PCDHGA2: variants seen among roughly 807,000 people sequenced by gnomAD.
PCDHGA2 encodes protocadherin gamma-A2.
Under a neutral mutation model 59.2 loss-of-function variants are expected in PCDHGA2, and 40 were observed. That is an observed-to-expected ratio of 0.68 (90% confidence interval 0.52 to 0.88). The LOEUF is 0.88. Among genes scored for constraint, PCDHGA2 ranks in the 40% least tolerant of loss-of-function variants. The pLI is 0.00. For missense variants in PCDHGA2, 1,226 were observed against 1,204.0 expected (o/e 1.02, Z -0.27); for synonymous variants, 560 against 526.0 (o/e 1.06, Z -0.89).
chr5:141,357,542 G>A lies in PCDHGA2; in HGVS notation c.2424+16147G>A, dbSNP rs149810895. ...CCCAGCTATGCAGACACGCTCATCA[G>A]CCGGGAGAGTTGTGAGAAAAGCGAG... On this transcript the variant is annotated intron_variant, in intron 1 of 3. Transcript: ENST00000394576. The A allele has an allele frequency of 2.3e-4, 375 of 1,614,210 alleles. No individual in the cohort carries two copies. In the East Asian group the frequency reaches 8.3e-3, roughly 36 times the overall value.
At chr5:141,380,092 G>A (rs1776209529) in intron 1 of PCDHGA2, among the ~76,000 whole-genome samples, 1 of 151,708 alleles carries the variant, frequency 6.6e-6, no homozygotes, top group African/African-American at 2.4e-5. Context: ...TAGAGATGGG[G>A]TTTTACCATG....
rs2099748032 is a variant in PCDHGA2 at position 141,493,397 on chromosome 5, G to A, written c.2425-1410G>A. ...TTAAAAGCTTGAGGACAGGAGAGGG[G>A]AGTTGCCTCTGCTGGGATTTTGCTT... On this transcript the variant is annotated intron_variant, in intron 1 of 3. Coordinates refer to ENST00000394576, the MANE Select transcript of PCDHGA2 (RefSeq NM_018915.4). This position sits in a 1 kb window ranked among gnomAD's most constrained non-coding sequence, Gnocchi z 4.3. Among the ~76,000 whole-genome samples the A allele has an allele frequency of 6.6e-6, 1 of 152,176 alleles. No individual in the cohort carries two copies. Among genetic ancestry groups the A allele is most frequent in the Non-Finnish European group, 1.5e-5 (1 of 68,040 alleles).
At chr5:141,410,807 T>C in intron 1 of PCDHGA2, 1 of 647,592 alleles carries the variant, frequency 1.5e-6, no homozygotes, top group Non-Finnish European at 2.4e-6. Flanking sequence ...CTCTATCTTT[T>C]TGTAAAATAA....
At chr5:141,359,720 C>T (rs1240719607) in intron 1 of PCDHGA2, among the ~76,000 whole-genome samples, 1 of 152,140 alleles carries the variant, frequency 6.6e-6, no homozygotes, top group Non-Finnish European at 1.5e-5. Context: ...AACTTTAACA[C>T]TCATTTCCCC....
intron 1 of PCDHGA2, chr5:141,405,445 A>G: frequency 7.3e-7 from 1 of 1,360,898 alleles, no homozygotes; most frequent in Non-Finnish European, 1.0e-6. Context: ...TTTGAGACAG[A>G]GTCTTACTCT....
At chr5:141,349,080 A>G (rs1241384360) in intron 1 of PCDHGA2, among the ~76,000 whole-genome samples, 1 of 151,912 alleles carries the variant, frequency 6.6e-6, no homozygotes, top group South Asian at 2.1e-4. Context: ...CATTATAGAG[A>G]ATGTTTTTGA....
At chr5:141,415,275 G>T in intron 1 of PCDHGA2, 5 of 1,614,212 alleles carry the variant, frequency 3.1e-6, no homozygotes, top group Non-Finnish European at 4.2e-6. Flanking sequence ...TGGTGGTAGC[G>T]GTGGCCGCGG....
At position 141,512,280 on chromosome 5, in the gene PCDHGA2, TGGAAGGGTCAGC is replaced by T. The variant is rs1187119941; in HGVS notation, c.*1111_*1122del. The T allele has an allele frequency of 1.3e-5, 2 of 152,682 alleles. No individual in the cohort carries two copies. Among genetic ancestry groups the T allele is most frequent in the African/African-American group, 2.4e-5 (1 of 41,396 alleles). 9.5% of individuals were successfully genotyped at this position (152,682 alleles called of 1,614,324 possible). ...CTGGGTACTCCAGAGGTGCCACTGGTGGAAGGGTCAGCGGAGCCCCAGCAGGAAGGGTGGGCC... is the reference window on the plus strand; with the variant it reads ...CTGGGTACTCCAGAGGTGCCACTGGTGGAGCCCCAGCAGGAAGGGTGGGCC... On this transcript the variant is annotated 3_prime_UTR_variant, in exon 4 of 4. Transcript: ENST00000394576.
intron 1 of PCDHGA2, chr5:141,375,524 G>T: frequency 6.2e-7 from 1 of 1,613,986 alleles, no homozygotes; most frequent in Admixed American, 1.7e-5. Flanking sequence ...GGACCCTGAC[G>T]TGGACCAGAA....
intron 1 of PCDHGA2, chr5:141,423,648 G>A (rs1291261924): frequency 2.5e-6 from 4 of 1,590,008 alleles, no homozygotes; most frequent in Middle Eastern, 1.7e-4. Flanking sequence ...AATGTGACCC[G>A]ACAAGTAATC....
At chr5:141,377,212 G>A (rs1390877095) in intron 1 of PCDHGA2, 4 of 151,992 alleles carry the variant, frequency 2.6e-5, no homozygotes, top group African/African-American at 4.8e-5. Context: ...AGTACATCTC[G>A]TTTCTTAGGT....
chr5:141,422,838 C>T (rs201218542), intron 1 of PCDHGA2: 182 of 1,614,252 alleles, frequency 1.1e-4, no homozygotes, highest in Middle Eastern at 1.6e-4. Context: ...TAGCACGTGA[C>T]AGCGGGGACC....
intron 1 of PCDHGA2, among the ~76,000 whole-genome samples, chr5:141,381,589 C>G (rs1777301144): frequency 6.6e-6 from 1 of 152,152 alleles, no homozygotes; most frequent in Admixed American, 6.5e-5. Context: ...ATCCATTATC[C>G]AGTTTCTTAT....
chr5:141,386,595 AT>A (rs373179212), intron 1 of PCDHGA2, among the ~76,000 whole-genome samples: 3,552 of 145,572 alleles, frequency 0.024, 119 homozygotes, highest in African/African-American at 0.079. Flanking sequence ...TGGGGGATAC[AT>A]TTTTTTTTTT....
intron 1 of PCDHGA2, chr5:141,417,501 A>T: frequency 4.4e-6 from 1 of 227,168 alleles, no homozygotes. Flanking sequence ...GAGGAAAAAG[A>T]TTAAAATATT....
intron 1 of PCDHGA2, among the ~76,000 whole-genome samples, chr5:141,347,654 G>T (rs1757996271): frequency 6.6e-6 from 1 of 152,050 alleles, no homozygotes; most frequent in Non-Finnish European, 1.5e-5. Context: ...GGGCATGGTG[G>T]TGGGCGCCTG....
At position 141,464,471 on chromosome 5, in the gene PCDHGA2, G is replaced by A. The variant is rs142068327; in HGVS notation, c.2425-30336G>A. On this transcript the variant is annotated intron_variant, in intron 1 of 3. Coordinates refer to ENST00000394576, the MANE Select transcript of PCDHGA2 (RefSeq NM_018915.4). ...TTGTTGTTATTTTTGAAGTATGTAC[G>A]TATAATAAATTCCTAATAGTGTGAT... Among the ~76,000 whole-genome samples, 204 of 151,612 alleles carry A rather than the reference G, an allele frequency of 1.3e-3. 1 individual carries two copies. The highest frequency in any genetic ancestry group is 2.3e-3 in the Non-Finnish European group (156 of 67,928).
At chr5:141,473,102 C>T (rs1465515592) in intron 1 of PCDHGA2, among the ~76,000 whole-genome samples, 1 of 152,054 alleles carries the variant, frequency 6.6e-6, no homozygotes, top group Non-Finnish European at 1.5e-5. Flanking sequence ...AGTTGTATTA[C>T]CACACTTTAC....
At chr5:141,344,095 G>C in intron 1 of PCDHGA2, 1 of 1,613,702 alleles carries the variant, frequency 6.2e-7, no homozygotes, top group Non-Finnish European at 8.5e-7. Context: ...GCGCTCCTGG[G>C]GACGCTGTGC....
Sources: gnomAD v4.1 joint callset for allele counts (sites outside exome capture counted in the v4.1 genomes callset) on GRCh38, gnomAD v4.1.1 for gene constraint, Gnocchi (gnomAD v3.1) non-coding constraint, MANE v1.5 for transcripts, NCBI Gene and HGNC (gene_info 2026-07-23, HGNC 2026-07-21) for gene names.